SPATA17: variants seen among roughly 807,000 people sequenced by gnomAD.
The protein encoded by SPATA17 is spermatogenesis associated 17.
SPATA17 carries 53 observed loss-of-function variants against 62.2 expected under a neutral mutation model. That is an observed-to-expected ratio of 0.85 (90% CI 0.68 to 1.07). SPATA17 has a LOEUF of 1.07. Among genes scored for constraint, SPATA17 ranks in the 50% least tolerant of loss-of-function variants. The probability of loss-of-function intolerance (pLI) is 0.00; values close to 1 mark genes in which losing one functional copy is unlikely to be tolerated. For synonymous variants in SPATA17, 146 were observed against 146.8 expected (o/e 0.99, Z 0.04); for missense variants, 466 against 425.5 (o/e 1.10, Z -0.84).
chr1:217,839,549 G>C (rs923840673), intron 9 of SPATA17, among the ~76,000 whole-genome samples: 9 of 151,836 alleles, frequency 5.9e-5, no homozygotes, highest in Non-Finnish European at 1.3e-4. Context: ...TTACAGTCTC[G>C]GGACAGGACT....
At chr1:217,650,323 T>C (rs1394055961) in intron 2 of SPATA17, among the ~76,000 whole-genome samples, 1 of 152,172 alleles carries the variant, frequency 6.6e-6, no homozygotes, top group Non-Finnish European at 1.5e-5. Flanking sequence ...ACTAACATGA[T>C]GTTGGCTTGG....
chr1:217,655,258 A>G (rs547998734), intron 3 of SPATA17, among the ~76,000 whole-genome samples: 1 of 152,200 alleles, frequency 6.6e-6, no homozygotes, highest in East Asian at 1.9e-4. Context: ...ATTTTTGGAG[A>G]GTACAGACTA....
intron 8 of SPATA17, among the ~76,000 whole-genome samples, chr1:217,795,992 T>C (rs1002094042): frequency 1.3e-5 from 2 of 151,802 alleles, no homozygotes; most frequent in African/African-American, 4.8e-5. Context: ...GAGATGGGGT[T>C]TCACCACGTT....
At chr1:217,671,807 G>A (rs921998609) in intron 4 of SPATA17, among the ~76,000 whole-genome samples, 18 of 152,202 alleles carry the variant, frequency 1.2e-4, no homozygotes, top group African/African-American at 4.1e-4. Context: ...AGGCTATGTG[G>A]AGCACATAAA....
intron 5 of SPATA17, among the ~76,000 whole-genome samples, chr1:217,707,569 A>G (rs926276369): frequency 4.6e-5 from 7 of 152,150 alleles, no homozygotes; most frequent in Non-Finnish European, 1.0e-4. Flanking sequence ...GCATTTGCCT[A>G]TGAAGAGACT....
intron 5 of SPATA17, among the ~76,000 whole-genome samples, chr1:217,719,933 G>T (rs1672086269): frequency 6.6e-6 from 1 of 152,178 alleles, no homozygotes; most frequent in South Asian, 2.1e-4. Context: ...GCAGAAAACT[G>T]CCCATGGTGG....
chr1:217,665,890 C>A (rs1670683249), intron 3 of SPATA17, among the ~76,000 whole-genome samples: 1 of 152,078 alleles, frequency 6.6e-6, no homozygotes, highest in Admixed American at 6.6e-5. Context: ...ATGACAAAGG[C>A]CACATAGAGC....
intron 9 of SPATA17, among the ~76,000 whole-genome samples, chr1:217,826,168 G>A (rs1020819559): frequency 2.0e-5 from 3 of 152,038 alleles, no homozygotes; most frequent in Non-Finnish European, 2.9e-5. Context: ...TCTCTTCCCC[G>A]ACTTGTGGAT....
rs551477166 is a variant in SPATA17, at chr1:217,725,826, A to G, written c.396-16149A>G. ...GTGTAGGAAAAAGTTGTATTTTCAT[A>G]ATTTTAATCTTCTTGTAAAGGAATG... On this transcript the variant is annotated intron_variant, in intron 5 of 10. Transcript: ENST00000366933. Among the ~76,000 whole-genome samples the G allele has an allele frequency of 4.6e-5, 7 of 152,268 alleles. No individual in the cohort carries two copies. The South Asian group carries it at 1.0e-3, about 23-fold the overall frequency.
intron 9 of SPATA17, among the ~76,000 whole-genome samples, chr1:217,831,610 T>C (rs888676884): frequency 6.6e-6 from 1 of 152,212 alleles, no homozygotes; most frequent in Non-Finnish European, 1.5e-5. Context: ...TATATTTTCT[T>C]ATGGCAAATA....
intron 9 of SPATA17, among the ~76,000 whole-genome samples, chr1:217,807,403 T>C (rs994808909): frequency 2.0e-5 from 3 of 151,758 alleles, no homozygotes; most frequent in African/African-American, 7.3e-5. Context: ...ATGTACACCC[T>C]GAAATGAAAA....
rs569829628 is a variant in SPATA17 at position 217,848,387 on chromosome 1, C to A, written c.1006-14387C>A. Among the ~76,000 whole-genome samples, 4 of 152,238 alleles carry A rather than the reference C, an allele frequency of 2.6e-5. No homozygotes were observed. In the East Asian group the frequency reaches 7.7e-4, roughly 29 times the overall value. On this transcript the variant is annotated intron_variant, in intron 9 of 10. Coordinates refer to ENST00000366933, the MANE Select transcript of SPATA17 (RefSeq NM_138796.4). ...ATTTAGCTCTCTTATACTATCATCT[C>A]CATGTTTTCTTAGAATATGTCTTGA...
chr1:217,714,661 T>C (rs1245045176), intron 5 of SPATA17, among the ~76,000 whole-genome samples: 2 of 151,476 alleles, frequency 1.3e-5, no homozygotes, highest in African/African-American at 4.8e-5. Context: ...TTTTTTGTAT[T>C]TTTTTAGTAG....
intron 7 of SPATA17, 72 bp downstream of exon 7, chr1:217,774,609 C>CT (rs1673544146): frequency 7.9e-7 from 1 of 1,264,216 alleles, no homozygotes; most frequent in East Asian, 2.5e-5. Flanking sequence ...TTATATAACA[C>CT]TATCTTAATT....
intron 5 of SPATA17, among the ~76,000 whole-genome samples, chr1:217,693,392 A>T: frequency 8.9e-6 from 1 of 111,764 alleles, no homozygotes; most frequent in African/African-American, 3.4e-5. Context: ...TTTTTTCTTT[A>T]TTAGTCTTGC....
At chr1:217,708,728 A>T (rs2102924866) in intron 5 of SPATA17, among the ~76,000 whole-genome samples, 1 of 141,560 alleles carries the variant, frequency 7.1e-6, no homozygotes, top group South Asian at 2.2e-4. Context: ...ATGCAACAAC[A>T]AAAAAAAAAA....
chr1:217,744,066 C>G (rs377335494), intron 6 of SPATA17, among the ~76,000 whole-genome samples: 2 of 152,058 alleles, frequency 1.3e-5, no homozygotes, highest in African/African-American at 4.8e-5. Context: ...CTATGGAGTG[C>G]TTACCATGTG....
At chr1:217,678,205 C>CTTTTTTTTTTT (rs974715757) in intron 4 of SPATA17, among the ~76,000 whole-genome samples, 58 of 107,520 alleles carry the variant, frequency 5.4e-4, no homozygotes, top group Non-Finnish European at 8.4e-4. Context: ...CTTTTCTTTT[C>CTTTTTTTTTTT]TTTTTTTTTT....
intron 1 of SPATA17, among the ~76,000 whole-genome samples, chr1:217,633,692 G>A (rs1198510480): frequency 1.3e-5 from 2 of 152,182 alleles, no homozygotes; most frequent in African/African-American, 2.4e-5. Flanking sequence ...TCCCAAATCC[G>A]TTAACATGTA....
Sources: allele counts gnomAD v4.1 joint callset (sites outside exome capture counted in the v4.1 genomes callset), GRCh38; gene constraint gnomAD v4.1.1; transcripts MANE v1.5; gene names NCBI Gene and HGNC (gene_info 2026-07-23, HGNC 2026-07-21).